ASAP2: variants seen among roughly 807,000 people sequenced by gnomAD.
ASAP2 encodes the protein ArfGAP with SH3 domain, ankyrin repeat and PH domain 2, also known as arf-GAP with SH3 domain, ANK repeat and PH domain-containing protein 2.
Under a neutral mutation model 131.4 loss-of-function variants are expected in ASAP2, and 45 were observed. The ratio of observed to expected loss-of-function variants is 0.34; its 90% CI spans 0.27 to 0.44. ASAP2 has a LOEUF of 0.44. ASAP2 is among the 20% of genes least tolerant of loss of function. The pLI, the probability that ASAP2 is intolerant of heterozygous loss-of-function variation, is 1.00. For synonymous variants in ASAP2, 510 were observed against 503.0 expected (o/e 1.01, Z -0.19); for missense variants, 1,011 against 1,297.0 (o/e 0.78, Z 3.39).
chr2:9,235,308 C>T (rs1053589267), intron 1 of ASAP2, among the ~76,000 whole-genome samples: 1 of 151,896 alleles, frequency 6.6e-6, no homozygotes, highest in Non-Finnish European at 1.5e-5. Context: ...CCAGCTGCCC[C>T]GGGCAGAGTT....
At chr2:9,370,578 C>A (rs1673870561) in intron 16 of ASAP2, among the ~76,000 whole-genome samples, 1 of 152,150 alleles carries the variant, frequency 6.6e-6, no homozygotes, top group African/African-American at 2.4e-5. Flanking sequence ...TTCTCTGAGC[C>A]TAAGCTCTGT....
At chr2:9,333,671 G>A (rs973706993) in intron 7 of ASAP2, among the ~76,000 whole-genome samples, 4 of 152,326 alleles carry the variant, frequency 2.6e-5, no homozygotes, top group East Asian at 3.9e-4. Flanking sequence ...GTGGAATGGT[G>A]TGGATTGAGG....
At chr2:9,363,735 T>C (rs1433761741) in intron 15 of ASAP2, among the ~76,000 whole-genome samples, 1 of 152,198 alleles carries the variant, frequency 6.6e-6, no homozygotes, top group African/African-American at 2.4e-5. Context: ...CATGCCCAGC[T>C]AATTTTTTAA....
At chr2:9,356,605 T>C (rs527348133) in intron 14 of ASAP2, among the ~76,000 whole-genome samples, 2 of 152,298 alleles carry the variant, frequency 1.3e-5, no homozygotes, top group South Asian at 4.1e-4. Flanking sequence ...TTTGAAATGC[T>C]TTTTGAGAAA....
chr2:9,275,080 CTGT>C (rs1318507137), intron 1 of ASAP2, among the ~76,000 whole-genome samples: 1 of 94,854 alleles, frequency 1.1e-5, no homozygotes, highest in Non-Finnish European at 2.2e-5. Flanking sequence ...TTTCATTTGT[CTGT>C]TTTTTTTTTT....
intron 2 of ASAP2, among the ~76,000 whole-genome samples, chr2:9,288,045 A>C (rs1464833758): frequency 6.6e-6 from 1 of 152,180 alleles, no homozygotes; most frequent in Non-Finnish European, 1.5e-5. Context: ...CAGTTTCATC[A>C]GTGGTTCTTT....
intron 9 of ASAP2, among the ~76,000 whole-genome samples, chr2:9,336,396 A>T (rs1671203899): frequency 6.6e-6 from 1 of 151,974 alleles, no homozygotes; most frequent in South Asian, 2.1e-4. Context: ...GCCCACAGTG[A>T]TCTGAGTTCA....
At chr2:9,324,294 T>C (rs1476039861) in intron 6 of ASAP2, among the ~76,000 whole-genome samples, 1 of 152,244 alleles carries the variant, frequency 6.6e-6, no homozygotes, top group Non-Finnish European at 1.5e-5. Context: ...TCTTAAGTGG[T>C]CAGCAGAGAG....
chr2:9,400,753 G>A lies in ASAP2; in HGVS notation c.2746G>A (p.Ala916Thr). 2 of 1,613,684 alleles carry A rather than the reference G, an allele frequency of 1.2e-6. No homozygotes were observed. Among genetic ancestry groups the A allele is most frequent in the Non-Finnish European group, 1.7e-6 (2 of 1,179,910 alleles). Reference protein sequence around the residue: ...GQPRGPVDLSATEALGPLSNA... With the variant: ...GQPRGPVDLSTTEALGPLSNA... ...TTTTTGCCCTACAGTGGATCTCTCT[G>A]CAACGGAAGCTCTGGGTCCTCTGTC... The change falls in exon 26 of 28, where the codon GCA (alanine) becomes ACA (threonine). Residue 916 changes from alanine to threonine, a missense_variant. Physicochemically the swap from Ala to Thr is moderately conservative, Grantham distance 58. This residue lies in a region of ASAP2 where 652 missense variants were observed against 698.9 expected (regional missense o/e 0.93). Transcript: ENST00000281419.
At chr2:9,347,780 G>A (rs1395797890) in intron 11 of ASAP2, among the ~76,000 whole-genome samples, 1 of 152,182 alleles carries the variant, frequency 6.6e-6, no homozygotes, top group Non-Finnish European at 1.5e-5. Flanking sequence ...CACCACTGAG[G>A]GCTGGGGACT....
At position 9,401,382 on chromosome 2, in the gene ASAP2, G is replaced by A; in HGVS notation, c.2932G>A (p.Asp978Asn). The A allele has an allele frequency of 6.2e-7, 1 of 1,613,510 alleles. No individual in the cohort carries two copies. ...GDVIIVDGEE[D>N]QEWWIGHIDG... The stretch of plus-strand genomic sequence containing the variant: ...TGTGATCATCGTGGACGGGGAGGAG[G>A]ACCAGGAGTGGTGGGTGAGTCAAGG... Residue 978 changes from aspartate to asparagine, a missense_variant, in exon 27 of 28, where the codon GAC becomes AAC. Around this residue, in one of 2 missense-constraint regions of ASAP2, gnomAD observed 652 missense variants for 698.9 expected, o/e 0.93. Coordinates refer to ENST00000281419, the MANE Select transcript of ASAP2 (RefSeq NM_003887.3).
At chr2:9,257,430 T>G (rs916581682) in intron 1 of ASAP2, among the ~76,000 whole-genome samples, 4 of 152,230 alleles carry the variant, frequency 2.6e-5, no homozygotes, top group Admixed American at 2.6e-4. Context: ...TATTGTTTCT[T>G]AACTTTTTAA....
At position 9,393,617 on chromosome 2, in the gene ASAP2, G is replaced by C; in HGVS notation, c.2654G>C (p.Ser885Thr). ...CCACCTCTGCCCCCACAGCCGCCCA[G>C]CCGCCTCCCGCAGAAGAAGCCTGCG... ...RPPPLPPQPP[S>T]RLPQKKPAPG... is the part of the protein sequence containing the mutation. Residue 885 changes from serine to threonine, a missense_variant, in exon 24 of 28, where the codon AGC becomes ACC. By Grantham distance (58) the Ser-to-Thr change is moderately conservative. This residue lies in a region of ASAP2 where 652 missense variants were observed against 698.9 expected (regional missense o/e 0.93). Coordinates refer to ENST00000281419, the MANE Select transcript of ASAP2 (RefSeq NM_003887.3). 1 of 1,585,672 alleles carries C rather than the reference G, an allele frequency of 6.3e-7. No homozygotes were observed. The highest frequency in any genetic ancestry group is 8.6e-7 in the Non-Finnish European group (1 of 1,168,798).
intron 18 of ASAP2, among the ~76,000 whole-genome samples, chr2:9,377,403 TGAGCCAGA>T (rs1279439869): frequency 2.6e-5 from 4 of 152,246 alleles, no homozygotes; most frequent in African/African-American, 7.2e-5. Context: ...AGCCATGGTC[TGAGCCAGA>T]GATTAGAAAC....
intron 1 of ASAP2, among the ~76,000 whole-genome samples, chr2:9,250,233 A>G (rs965640277): frequency 1.3e-5 from 2 of 152,054 alleles, no homozygotes; most frequent in Non-Finnish European, 2.9e-5. Flanking sequence ...GTTGGATAAA[A>G]CTCCACAAAC....
chr2:9,212,718 C>T (rs1215920627), intron 1 of ASAP2, among the ~76,000 whole-genome samples: 1 of 152,196 alleles, frequency 6.6e-6, no homozygotes. Flanking sequence ...CTCTCAGCCG[C>T]CACATTGCAA....
chr2:9,212,111 C>T lies in ASAP2; in HGVS notation c.126+4881C>T, dbSNP rs79615401. Among the ~76,000 whole-genome samples, 166 of 152,254 alleles carry T rather than the reference C, an allele frequency of 1.1e-3. 1 individual carries two copies. Among genetic ancestry groups the T allele is most frequent in the African/African-American group, 3.7e-3 (154 of 41,550 alleles). ...GTAGAAGTACTGATGCCACTCCTCA[C>T]GGGTTCCAGGTCCTGCCATGCACTC... is the stretch of plus-strand genomic sequence containing the variant. On this transcript the variant is annotated intron_variant, in intron 1 of 27. Transcript: ENST00000281419.
chr2:9,356,910 G>GT (rs1461893367), intron 14 of ASAP2, among the ~76,000 whole-genome samples: 1 of 152,144 alleles, frequency 6.6e-6, no homozygotes. Flanking sequence ...GGGCTTTATA[G>GT]TAGGATGTGA....
chr2:9,235,512 T>A (rs1321598142), intron 1 of ASAP2, among the ~76,000 whole-genome samples: 1 of 152,164 alleles, frequency 6.6e-6, no homozygotes, highest in East Asian at 1.9e-4. Context: ...TTCTGTCTTG[T>A]ATGGCCGGAG....
Sources: gnomAD v4.1 joint callset for allele counts (sites outside exome capture counted in the v4.1 genomes callset) on GRCh38, gnomAD v4.1.1 for gene constraint, gnomAD v4.1.1 regional missense constraint, MANE v1.5 for transcripts, NCBI Gene and HGNC (gene_info 2026-07-23, HGNC 2026-07-21) for gene names.